SPECC1: variants seen among roughly 807,000 people sequenced by gnomAD.
SPECC1 encodes cytospin-B.
A neutral mutation model predicts 104.1 loss-of-function variants in SPECC1; 62 were observed. The observed-to-expected ratio is 0.60, with a 90% CI of 0.49 to 0.74. The LOEUF (loss-of-function observed/expected upper bound fraction) is 0.74, where lower values mean the gene tolerates loss of function less well. SPECC1 is among the 30% of genes least tolerant of loss of function. The pLI, the probability that SPECC1 is intolerant of heterozygous loss-of-function variation, is 0.00. For missense variants in SPECC1, 1,306 were observed against 1,310.5 expected (o/e 1.00, Z 0.05); for synonymous variants, 513 against 501.6 (o/e 1.02, Z -0.30).
At chr17:20,038,778 G>T (rs1597599693) in intron 1 of SPECC1, among the ~76,000 whole-genome samples, 1 of 152,176 alleles carries the variant, frequency 6.6e-6, no homozygotes, top group Admixed American at 6.5e-5. Context: ...TATCAGAAAT[G>T]AATATCTTTG....
At chr17:20,017,822 C>A (rs1250056248) in intron 1 of SPECC1, among the ~76,000 whole-genome samples, 1 of 152,142 alleles carries the variant, frequency 6.6e-6, no homozygotes, top group Non-Finnish European at 1.5e-5. Flanking sequence ...TAGGTCTTCC[C>A]AAGAATATCT....
At chr17:20,106,575 G>A (rs2048208027) in intron 2 of SPECC1, among the ~76,000 whole-genome samples, 1 of 152,144 alleles carries the variant, frequency 6.6e-6, no homozygotes, top group Non-Finnish European at 1.5e-5. Context: ...ATTGAATCCT[G>A]CTGTTCTCAT....
intron 12 of SPECC1, among the ~76,000 whole-genome samples, chr17:20,292,324 G>GT (rs1314865238): frequency 6.6e-6 from 1 of 151,378 alleles, no homozygotes; most frequent in Admixed American, 6.6e-5. Context: ...ACCACCGCCT[G>GT]TTTTTTCATC....
chr17:20,070,531 A>G (rs942446977), intron 1 of SPECC1, among the ~76,000 whole-genome samples: 4 of 152,022 alleles, frequency 2.6e-5, no homozygotes, highest in African/African-American at 9.7e-5. Flanking sequence ...ATTTTTCTAT[A>G]TCTTATCTAT....
At chr17:20,239,397 T>G (rs889893305) in intron 7 of SPECC1, 1 of 603,242 alleles carries the variant, frequency 1.7e-6, no homozygotes, top group Non-Finnish European at 2.1e-6. Flanking sequence ...ATTTTCATAT[T>G]TTTAATAAAA....
chr17:20,077,637 T>C (rs1249187757), intron 1 of SPECC1, among the ~76,000 whole-genome samples: 4 of 152,038 alleles, frequency 2.6e-5, no homozygotes, highest in Non-Finnish European at 5.9e-5. Flanking sequence ...TGGCTAAGTT[T>C]TGTATTTTTA....
intron 1 of SPECC1, among the ~76,000 whole-genome samples, chr17:20,094,658 C>A (rs994178352): frequency 7.2e-6 from 1 of 138,444 alleles, no homozygotes; most frequent in African/African-American, 2.8e-5. Context: ...TAAAGTAAGC[C>A]CTGTAATATC....
At chr17:20,012,111 T>C (rs186944332) in intron 1 of SPECC1, among the ~76,000 whole-genome samples, 1 of 152,262 alleles carries the variant, frequency 6.6e-6, no homozygotes, top group Non-Finnish European at 1.5e-5. Flanking sequence ...TTTAAAAAGA[T>C]GTTTTGTAGC....
In SPECC1 at chr17:20,304,738, G is replaced by C. The variant is rs535373001; in HGVS notation, c.3058-1285G>C. 1.1e-4 allele frequency among the ~76,000 whole-genome samples: 16 copies of C among 152,198 alleles called. 1 individual carries two copies. In the South Asian group the frequency reaches 3.1e-3, roughly 30 times the overall value. ...AGGTTCTGGAGGGCTTGGGGCTGTAGGGTTTCATAGAATGATGAGATGATT... is the reference window on the plus strand; with the variant it reads ...AGGTTCTGGAGGGCTTGGGGCTGTACGGTTTCATAGAATGATGAGATGATT... On this transcript the variant is annotated intron_variant, in intron 13 of 14. Transcript: ENST00000395527.
At chr17:20,293,709 C>T (rs1050969702) in intron 12 of SPECC1, among the ~76,000 whole-genome samples, 2 of 152,240 alleles carry the variant, frequency 1.3e-5, no homozygotes. Flanking sequence ...ACCTAAAACT[C>T]AGCCAAGCCC....
At chr17:20,089,143 G>C (rs1342051926) in intron 1 of SPECC1, among the ~76,000 whole-genome samples, 3 of 152,216 alleles carry the variant, frequency 2.0e-5, no homozygotes, top group Non-Finnish European at 4.4e-5. Context: ...CACACAGCCT[G>C]AAGTGGCATT....
intron 12 of SPECC1, among the ~76,000 whole-genome samples, chr17:20,278,414 G>A (rs2040646077): frequency 6.6e-6 from 1 of 152,192 alleles, no homozygotes; most frequent in Non-Finnish European, 1.5e-5. Context: ...GCTGAGAGGT[G>A]GAACTGGGAA....
chr17:20,010,712 T>C (rs1429057512), intron 1 of SPECC1, among the ~76,000 whole-genome samples: 1 of 152,250 alleles, frequency 6.6e-6, no homozygotes, highest in Non-Finnish European at 1.5e-5. Flanking sequence ...CTTTTTTCCT[T>C]GTCTTCCATA....
At chr17:20,303,160 T>C (rs1406885576) in intron 13 of SPECC1, among the ~76,000 whole-genome samples, 1 of 151,634 alleles carries the variant, frequency 6.6e-6, no homozygotes, top group Non-Finnish European at 1.5e-5. Flanking sequence ...ATAAAATATT[T>C]GACTTCTGGA....
Position 20,316,236 on chromosome 17 carries a change from T to G in SPECC1, c.*2171T>G, listed in dbSNP as rs527629963. On this transcript the variant is annotated 3_prime_UTR_variant, in exon 15 of 15. Coordinates refer to ENST00000395527, the MANE Select transcript of SPECC1 (RefSeq NM_001243439.2). The stretch of plus-strand genomic sequence containing the variant: ...AAGTGGGGGAAAGTAATATCCCAAG[T>G]AGTTGAGTTGAGCTGTTGGTTGTTA... 8.6e-6 allele frequency: 2 copies of G among 231,558 alleles called. No homozygotes were observed. Among genetic ancestry groups the G allele is most frequent in the South Asian group, 3.6e-4 (2 of 5,506 alleles). The allele number at this position is 231,558 out of a possible 1,614,324, so 14.3% of individuals were successfully genotyped here.
intron 1 of SPECC1, chr17:20,056,361 A>T (rs1480162055): frequency 1.0e-5 from 2 of 191,822 alleles, no homozygotes; most frequent in African/African-American, 4.7e-5. Flanking sequence ...AGCCCAGCAA[A>T]CCCCTCATCC....
intron 4 of SPECC1, among the ~76,000 whole-genome samples, chr17:20,218,951 G>A (rs780601713): frequency 2.0e-5 from 3 of 152,158 alleles, no homozygotes; most frequent in African/African-American, 4.8e-5. Context: ...ATGATTTCCA[G>A]TTCCATCCAT....
chr17:20,278,084 C>A (rs2040634591), intron 12 of SPECC1, among the ~76,000 whole-genome samples: 1 of 152,042 alleles, frequency 6.6e-6, no homozygotes. Flanking sequence ...ATATTCCTGG[C>A]CTGTGTGAAA....
intron 4 of SPECC1, among the ~76,000 whole-genome samples, chr17:20,206,496 C>T (rs1316417039): frequency 1.3e-5 from 2 of 152,088 alleles, no homozygotes; most frequent in African/African-American, 4.8e-5. Context: ...TTGCATTTGA[C>T]ATTTTAGAAA....
Sources: gnomAD v4.1 joint callset for allele counts (sites outside exome capture counted in the v4.1 genomes callset) on GRCh38, gnomAD v4.1.1 for gene constraint, MANE v1.5 for transcripts, NCBI Gene and HGNC (gene_info 2026-07-23, HGNC 2026-07-21) for gene names.